The following OSBPL9 variants were observed in gnomAD, a reference collection of about 807,000 sequenced individuals.
OSBPL9 encodes the protein oxysterol binding protein like 9, also known as oxysterol-binding protein-related protein 9.
Under a neutral mutation model 106.6 loss-of-function variants are expected in OSBPL9, and 40 were observed. That is an observed-to-expected ratio of 0.38 (90% CI 0.29 to 0.49). The LOEUF (loss-of-function observed/expected upper bound fraction) is 0.49. OSBPL9 is among the 20% of genes least tolerant of loss of function. The pLI is 0.97. For missense variants in OSBPL9, 609 were observed against 887.2 expected (o/e 0.69, Z 3.98); for synonymous variants, 269 against 295.4 (o/e 0.91, Z 0.92).
At chr1:51,647,521 C>T (rs1187553151) in intron 1 of OSBPL9, among the ~76,000 whole-genome samples, 1 of 152,152 alleles carries the variant, frequency 6.6e-6, no homozygotes, top group African/African-American at 2.4e-5. Flanking sequence ...AACTCACCAT[C>T]TGGGCCTGCG....
At chr1:51,654,018 GAA>G in intron 2 of OSBPL9, among the ~76,000 whole-genome samples, 1 of 134,454 alleles carries the variant, frequency 7.4e-6, no homozygotes, top group African/African-American at 2.7e-5. Context: ...TGAAAAAAAA[GAA>G]AAAAAAAAAA....
At chr1:51,739,403 A>G (rs1666397805) in intron 4 of OSBPL9, among the ~76,000 whole-genome samples, 1 of 151,980 alleles carries the variant, frequency 6.6e-6, no homozygotes, top group African/African-American at 2.4e-5. Context: ...TACATTGTGC[A>G]TCCATGATGT....
At chr1:51,595,319 C>T (rs1194328980) in intron 1 of OSBPL9, among the ~76,000 whole-genome samples, 4 of 152,134 alleles carry the variant, frequency 2.6e-5, no homozygotes, top group Admixed American at 6.5e-5. Flanking sequence ...TGATTCCGTT[C>T]GTCATCTCTC....
rs147303496 is a variant in OSBPL9, at chr1:51,774,276, A to C, written c.1170+1553A>C. ...TTGCCTCACATAATTTTCTCTGCCA[A>C]ATAAACCATATTTGAGTCCATAGCT... is the stretch of plus-strand genomic sequence containing the variant. On this transcript the variant is annotated intron_variant, in intron 14 of 23. Transcript: ENST00000428468. 5.6e-3 allele frequency among the ~76,000 whole-genome samples: 860 copies of C among 152,318 alleles called. 2 individuals are homozygous for C. The highest frequency in any genetic ancestry group is 0.02 in the African/African-American group (816 of 41,564).
the OSBPL9 span, among the ~76,000 whole-genome samples, chr1:51,532,144 G>A: frequency 6.6e-6 from 1 of 152,142 alleles, no homozygotes; most frequent in African/African-American, 2.4e-5. Flanking sequence ...GAGGAGGCTC[G>A]GGAGAGAATG....
At chr1:51,765,567 A>G (rs1672389065) in intron 11 of OSBPL9, 1 of 252,232 alleles carries the variant, frequency 4.0e-6, no homozygotes, top group Non-Finnish European at 7.5e-6. Context: ...CCTAGTATTA[A>G]TGATAATCTT....
At chr1:51,784,677 T>C in intron 20 of OSBPL9, 95 bp downstream of exon 20, 1 of 1,389,986 alleles carries the variant, frequency 7.2e-7, no homozygotes, top group Non-Finnish European at 9.9e-7. Context: ...TGTGAAAGAA[T>C]GGTTCTGTCT....
chr1:51,687,789 T>C (rs1654127601), intron 3 of OSBPL9, among the ~76,000 whole-genome samples: 1 of 152,242 alleles, frequency 6.6e-6, no homozygotes, highest in Admixed American at 6.5e-5. Context: ...AATGATAGGT[T>C]AAAACACCTT....
chr1:51,543,805 T>A, the OSBPL9 span, among the ~76,000 whole-genome samples: 2 of 152,230 alleles, frequency 1.3e-5, no homozygotes, highest in African/African-American at 4.8e-5. Context: ...CTGGCCAGTC[T>A]GCTAGTAAGT....
intron 3 of OSBPL9, among the ~76,000 whole-genome samples, chr1:51,688,483 G>A (rs1654296536): frequency 6.6e-6 from 1 of 152,038 alleles, no homozygotes; most frequent in Non-Finnish European, 1.5e-5. Context: ...AGGGCATGGT[G>A]TTATGCATCT....
chr1:51,530,590 CA>C, the OSBPL9 span, among the ~76,000 whole-genome samples: 8 of 147,810 alleles, frequency 5.4e-5, no homozygotes, highest in South Asian at 8.6e-4. Flanking sequence ...GTCTCTTAAA[CA>C]AAAAAAAAAT....
chr1:51,786,934 A>G (rs181569283), intron 22 of OSBPL9, among the ~76,000 whole-genome samples: 54 of 152,250 alleles, frequency 3.5e-4, no homozygotes, highest in Admixed American at 3.3e-3. Flanking sequence ...TTTCTCCATC[A>G]TATTGTTAAA....
At chr1:51,691,742 GA>G (rs1192920804) in intron 3 of OSBPL9, among the ~76,000 whole-genome samples, 1 of 151,436 alleles carries the variant, frequency 6.6e-6, no homozygotes, top group Non-Finnish European at 1.5e-5. Flanking sequence ...TTCTATTTAA[GA>G]TTTTTTTTTA....
intron 20 of OSBPL9, 92 bp downstream of exon 20, chr1:51,784,674 G>T (rs1208510226): frequency 7.1e-7 from 1 of 1,403,038 alleles, no homozygotes; most frequent in African/African-American, 1.4e-5. Context: ...GAGTGTGAAA[G>T]AATGGTTCTG....
intron 1 of OSBPL9, among the ~76,000 whole-genome samples, chr1:51,627,151 GT>G (rs1361702820): frequency 3.3e-5 from 5 of 152,116 alleles, no homozygotes; most frequent in African/African-American, 1.2e-4. Flanking sequence ...CTACAGGCTT[GT>G]GCCACCATGT....
rs149951799 is a variant in OSBPL9, at chr1:51,772,100, C to A, written c.969C>A (p.His323Gln). The A allele has an allele frequency of 1.2e-6, 2 of 1,614,024 alleles. No individual in the cohort carries two copies. Among genetic ancestry groups the A allele is most frequent in the Non-Finnish European group, 1.7e-6 (2 of 1,179,882 alleles). ...DSSGSASVLT[H>Q]SSSGNSLKRP... ...CTGGATCTGCCTCAGTCCTGACACACAGCAGCTCGGGAAATAGTCTAAAAC... is the reference window on the plus strand; with the variant it reads ...CTGGATCTGCCTCAGTCCTGACACAAAGCAGCTCGGGAAATAGTCTAAAAC... The change falls in exon 13 of 24, where the codon CAC (histidine) becomes CAA (glutamine). Residue 323 changes from histidine (H) to glutamine (Q), a missense_variant. This residue lies in a region of OSBPL9 where 356 missense variants were observed against 505.8 expected (regional missense o/e 0.70). Transcript: ENST00000428468.
At chr1:51,698,844 T>A (rs981283471) in intron 3 of OSBPL9, among the ~76,000 whole-genome samples, 1 of 152,206 alleles carries the variant, frequency 6.6e-6, no homozygotes, top group Non-Finnish European at 1.5e-5. Context: ...TGGTTTTGAA[T>A]TGTGTATATC....
chr1:51,549,581 C>A, the OSBPL9 span, among the ~76,000 whole-genome samples: 1 of 152,226 alleles, frequency 6.6e-6, no homozygotes, highest in Admixed American at 6.5e-5. Context: ...CCTGTAATCC[C>A]AGCAGTTTGG....
At chr1:51,707,150 C>A in intron 3 of OSBPL9, 1 of 389,702 alleles carries the variant, frequency 2.6e-6, no homozygotes, top group South Asian at 2.0e-5. Flanking sequence ...CCTTGGAGGC[C>A]ATGTGGACCA....
Sources: gnomAD v4.1 joint callset for allele counts (sites outside exome capture counted in the v4.1 genomes callset) on GRCh38, gnomAD v4.1.1 for gene constraint, gnomAD v4.1.1 regional missense constraint, MANE v1.5 for transcripts, NCBI Gene and HGNC (gene_info 2026-07-23, HGNC 2026-07-21) for gene names.